CDH12: variants seen among roughly 807,000 people sequenced by gnomAD.
The protein encoded by CDH12 is cadherin 12.
A neutral mutation model predicts 74.1 loss-of-function variants in CDH12; 41 were observed. That is an observed-to-expected ratio of 0.55 (90% CI 0.43 to 0.72). The LOEUF (loss-of-function observed/expected upper bound fraction) is 0.72. CDH12 is among the 30% of genes least tolerant of loss of function. CDH12 has a pLI of 0.00. For synonymous variants in CDH12, 399 were observed against 355.0 expected, an observed-to-expected ratio of 1.12 and a Z score of -1.39; for missense variants, 945 against 977.2, an observed-to-expected ratio of 0.97 and a Z score of 0.44.
chr5:22,346,960 A>T, intron 3 of CDH12, among the ~76,000 whole-genome samples: 1 of 152,210 alleles, frequency 6.6e-6, no homozygotes, highest in East Asian at 1.9e-4. Flanking sequence ...ATCTCCATTT[A>T]ACAGGTATCT....
In CDH12 at chr5:22,175,483, A is replaced by T. The variant is rs1410901317; in HGVS notation, c.-187+37015T>A. On this transcript the variant is annotated intron_variant, in intron 4 of 14. Coordinates refer to ENST00000382254, the MANE Select transcript of CDH12 (RefSeq NM_004061.5). ...CTTGAGAATGAAAAAAAATATATGTATATATCTATAAATGTATTTCTTTGC... is the reference window on the plus strand; with the variant it reads ...CTTGAGAATGAAAAAAAATATATGTTTATATCTATAAATGTATTTCTTTGC... Among the ~76,000 whole-genome samples the T allele has an allele frequency of 2.0e-4, 31 of 152,236 alleles. No homozygotes were observed. The East Asian group carries it at 2.5e-3, about 12-fold the overall frequency.
intron 3 of CDH12, among the ~76,000 whole-genome samples, chr5:22,214,532 T>C (rs1460533918): frequency 6.6e-6 from 1 of 152,152 alleles, no homozygotes; most frequent in Non-Finnish European, 1.5e-5. Flanking sequence ...ACAATACTTG[T>C]AAATAACAGT....
At chr5:22,710,981 A>G (rs1743257714) in intron 1 of CDH12, among the ~76,000 whole-genome samples, 1 of 152,172 alleles carries the variant, frequency 6.6e-6, no homozygotes, top group Non-Finnish European at 1.5e-5. Flanking sequence ...TGCCTCAAGT[A>G]GGAATGTCTT....
intron 3 of CDH12, among the ~76,000 whole-genome samples, chr5:22,238,309 T>C (rs528565391): frequency 1.3e-5 from 2 of 152,332 alleles, no homozygotes; most frequent in African/African-American, 4.8e-5. Context: ...CTGAGTTTTC[T>C]TGGAGGAACC....
At chr5:22,683,609 A>G (rs1030755351) in intron 1 of CDH12, among the ~76,000 whole-genome samples, 3 of 152,174 alleles carry the variant, frequency 2.0e-5, no homozygotes, top group Non-Finnish European at 4.4e-5. Flanking sequence ...AATTTCTCAA[A>G]CAAGTAAAAG....
In CDH12 at chr5:22,019,609, C is replaced by A. The variant is rs538844173; in HGVS notation, c.232-44224G>T. 2.6e-5 allele frequency among the ~76,000 whole-genome samples: 4 copies of A among 152,226 alleles called. No individual in the cohort carries two copies. In the East Asian group the frequency reaches 7.7e-4, roughly 29 times the overall value. ...TGGCAAGAAGATGTTGACCTGCAGG[C>A]CAGGAAAAGGGCCCTCGCCATGAAC... On this transcript the variant is annotated intron_variant, in intron 5 of 14. Coordinates refer to ENST00000382254, the MANE Select transcript of CDH12 (RefSeq NM_004061.5).
intron 1 of CDH12, among the ~76,000 whole-genome samples, chr5:22,814,848 A>G (rs915382804): frequency 6.6e-6 from 1 of 152,216 alleles, no homozygotes; most frequent in Non-Finnish European, 1.5e-5. Context: ...TTTAAGTAAA[A>G]TAAAGAGTAT....
At chr5:22,609,011 A>G (rs1248958055) in intron 1 of CDH12, among the ~76,000 whole-genome samples, 2 of 152,182 alleles carry the variant, frequency 1.3e-5, no homozygotes, top group Admixed American at 1.3e-4. Context: ...ACATGACCAC[A>G]ATGGATAGCC....
chr5:22,752,098 T>C (rs1027270601), intron 1 of CDH12, among the ~76,000 whole-genome samples: 1 of 152,210 alleles, frequency 6.6e-6, no homozygotes, highest in Non-Finnish European at 1.5e-5. Flanking sequence ...AAACTAAATG[T>C]ATTATATTAC....
intron 1 of CDH12, among the ~76,000 whole-genome samples, chr5:22,532,630 T>C (rs939498629): frequency 5.3e-5 from 8 of 151,644 alleles, no homozygotes; most frequent in African/African-American, 1.9e-4. Context: ...CTCTGACTTT[T>C]AAATCTATAG....
chr5:22,567,621 C>T (rs1468398282), intron 1 of CDH12, among the ~76,000 whole-genome samples: 1 of 147,586 alleles, frequency 6.8e-6, no homozygotes, highest in East Asian at 2.2e-4. Context: ...ATTTTGGTCT[C>T]TTTTGTTATA....
chr5:22,188,888 C>A (rs566566727), intron 4 of CDH12, among the ~76,000 whole-genome samples: 1 of 152,290 alleles, frequency 6.6e-6, no homozygotes, highest in African/African-American at 2.4e-5. Context: ...TAATGTGAAG[C>A]TATCCCCATT....
intron 1 of CDH12, among the ~76,000 whole-genome samples, chr5:22,532,375 A>ATATATATATATATG (rs1178546849): frequency 6.6e-5 from 5 of 75,840 alleles, no homozygotes; most frequent in African/African-American, 2.3e-4. Flanking sequence ...ATATATATAT[A>ATATATATATATATG]TATGTATGTA....
intron 2 of CDH12, among the ~76,000 whole-genome samples, chr5:22,469,775 T>C (rs1745882577): frequency 6.6e-6 from 1 of 152,164 alleles, no homozygotes; most frequent in East Asian, 1.9e-4. Context: ...AGGGAAATCA[T>C]GAATGTGCAG....
intron 5 of CDH12, among the ~76,000 whole-genome samples, chr5:22,024,206 T>C (rs1349467372): frequency 2.0e-5 from 3 of 152,208 alleles, no homozygotes. Flanking sequence ...GATAATTACA[T>C]ATTTATCTTG....
At chr5:22,472,928 A>C (rs533646167) in intron 2 of CDH12, among the ~76,000 whole-genome samples, 1 of 152,278 alleles carries the variant, frequency 6.6e-6, no homozygotes, top group African/African-American at 2.4e-5. Context: ...GGCCTTCAAT[A>C]ACTTTCCATT....
In CDH12 at chr5:22,752,081, C is replaced by T. The variant is rs898319803; in HGVS notation, c.-523+100977G>A. On this transcript the variant is annotated intron_variant, in intron 1 of 14. Coordinates refer to ENST00000382254, the MANE Select transcript of CDH12 (RefSeq NM_004061.5). ...AGAAAAGTAGCAAATCTCATACTAG[C>T]TATTAAAAACTAAATGTATTATATT... Among the ~76,000 whole-genome samples, 5 of 152,152 alleles carry T rather than the reference C, an allele frequency of 3.3e-5. No individual in the cohort carries two copies. In the East Asian group the frequency reaches 9.6e-4, roughly 29 times the overall value.
intron 5 of CDH12, among the ~76,000 whole-genome samples, chr5:22,037,299 G>A (rs1739258355): frequency 6.6e-6 from 1 of 152,122 alleles, no homozygotes; most frequent in Non-Finnish European, 1.5e-5. Context: ...GTTGTCAGAG[G>A]GGCCTGAGCA....
At chr5:22,849,178 G>A (rs1737439506) in intron 1 of CDH12, among the ~76,000 whole-genome samples, 1 of 152,060 alleles carries the variant, frequency 6.6e-6, no homozygotes, top group African/African-American at 2.4e-5. Context: ...CATGATAAGT[G>A]TTATCTGTGG....
Sources: allele counts gnomAD v4.1 joint callset (sites outside exome capture counted in the v4.1 genomes callset), GRCh38; gene constraint gnomAD v4.1.1; transcripts MANE v1.5; gene names NCBI Gene and HGNC (gene_info 2026-07-23, HGNC 2026-07-21).